The following MARVELD3 variants were observed in gnomAD, a reference collection of about 807,000 sequenced individuals.
MARVELD3 encodes the protein MARVEL domain containing 3.
MARVELD3 carries 28 observed loss-of-function variants against 33.5 expected under a neutral mutation model. That is an observed-to-expected ratio of 0.84 (90% CI 0.62 to 1.15). MARVELD3 has a LOEUF of 1.15. Among genes scored for constraint, MARVELD3 ranks in the 50% most tolerant of loss-of-function variants. The pLI is 0.00. For synonymous variants in MARVELD3, 241 were observed against 230.4 expected (o/e 1.05, Z -0.42); for missense variants, 582 against 547.6 (o/e 1.06, Z -0.63).
intron 2 of MARVELD3, among the ~76,000 whole-genome samples, chr16:71,631,081 C>T (rs1484170060): frequency 6.6e-6 from 1 of 152,166 alleles, no homozygotes; most frequent in Non-Finnish European, 1.5e-5. Flanking sequence ...GGAGCTCATA[C>T]CTGAAAATGT....
rs2044575064 is a variant in MARVELD3, at chr16:71,635,512, T to TA, written c.*710dup. 20 of 983,630 alleles carry TA rather than the reference T, an allele frequency of 2.0e-5. No homozygotes were observed. Among genetic ancestry groups the TA allele is most frequent in the Non-Finnish European group, 2.4e-5 (20 of 829,226 alleles). 60.9% of individuals were successfully genotyped at this position (983,630 alleles called of 1,614,324 possible). On this transcript the variant is annotated 3_prime_UTR_variant, in exon 3 of 3. Transcript: ENST00000268485. ...ATCCCAGAGCTTTGGGAGGCTGAGG[T>TA]AGGAGGATTGCTTGAACCCAGGAGT...
rs1425536199 is a variant in MARVELD3 at position 71,626,417 on chromosome 16, A to G, written c.188A>G (p.Gln63Arg). ...GGGGACCGGGACCCGGAGAGAGACCAGGAGAGGGACGGGAACCGCGACCGG... is the reference window on the plus strand; with the variant it reads ...GGGGACCGGGACCCGGAGAGAGACCGGGAGAGGGACGGGAACCGCGACCGG... The part of the protein sequence containing the change: ...RDGDRDPERD[Q>R]ERDGNRDRNR... The change falls in exon 1 of 3, where the codon CAG (glutamine) becomes CGG (arginine). Residue 63 changes from glutamine (Q) to arginine (R), a missense_variant. Gln to Arg is a conservative substitution (Grantham distance 43). Coordinates refer to ENST00000268485, the MANE Select transcript of MARVELD3 (RefSeq NM_052858.6). The surrounding 1 kb of genome is among the most constrained non-coding windows in gnomAD (Gnocchi z 5.3). The G allele has an allele frequency of 3.2e-5, 49 of 1,546,490 alleles. No homozygotes were observed. The East Asian group carries it at 1.2e-3, about 37-fold the overall frequency.
chr16:71,641,119 C>A, downstream of MARVELD3: 1 of 1,434,698 alleles, frequency 7.0e-7, no homozygotes, highest in Non-Finnish European at 9.4e-7. Context: ...GGTTTTCACA[C>A]ACTTGACTTT....
At chr16:71,628,468 C>T (rs1370057663) in intron 1 of MARVELD3, among the ~76,000 whole-genome samples, 2 of 150,532 alleles carry the variant, frequency 1.3e-5, no homozygotes, top group Non-Finnish European at 2.9e-5. Context: ...ACCTGGGAGG[C>T]GGAGGTTGCA....
chr16:71,633,371 C>A (rs2044550684), intron 2 of MARVELD3, among the ~76,000 whole-genome samples: 1 of 152,080 alleles, frequency 6.6e-6, no homozygotes, highest in Non-Finnish European at 1.5e-5. Flanking sequence ...AAAGAAGAGA[C>A]AACTTGTTTA....
In MARVELD3 at chr16:71,629,396, C is replaced by T. The variant is rs1162045720; in HGVS notation, c.497C>T (p.Ser166Leu). Residue 166 changes from serine (S) to leucine (L), a missense_variant, in exon 2 of 3, where the codon TCG becomes TTG. By Grantham distance (145) the Ser-to-Leu change is moderately radical. Coordinates refer to ENST00000268485, the MANE Select transcript of MARVELD3 (RefSeq NM_052858.6). The stretch of plus-strand genomic sequence containing the variant: ...CCCCCTTCGGAGAGATATCTGCCCT[C>T]GACCCCCAGGCCTGGACGAGAGGAG... The part of the protein sequence containing the change: ...SEPPSERYLP[S>L]TPRPGREEVE... The T allele has an allele frequency of 1.1e-5, 17 of 1,569,264 alleles. No individual in the cohort carries two copies. The highest frequency in any genetic ancestry group is 1.3e-5 in the Non-Finnish European group (15 of 1,162,166).
rs2044466191 is a variant in MARVELD3, at chr16:71,626,287, G to A, written c.58G>A (p.Gly20Arg). The A allele has an allele frequency of 3.2e-6, 5 of 1,542,308 alleles. No individual in the cohort carries two copies. The highest frequency in any genetic ancestry group is 4.4e-6 in the Non-Finnish European group (5 of 1,143,184). Residue 20 changes from glycine to arginine, a missense_variant, in exon 1 of 3, where the codon GGA becomes AGA. Gly to Arg is a moderately radical substitution (Grantham distance 125). Coordinates refer to ENST00000268485, the MANE Select transcript of MARVELD3 (RefSeq NM_052858.6). The surrounding 1 kb of genome is among the most constrained non-coding windows in gnomAD (Gnocchi z 5.3). ...GGCCCGGCCGAGAGAGCGGGACCCG[G>A]GACGGCGCCCCCACCCAGACCAAGG... ...PRARPRERDP[G>R]RRPHPDQGRT...
In MARVELD3 at chr16:71,626,351, C is replaced by G. The variant is rs1442341220; in HGVS notation, c.122C>G (p.Pro41Arg). The G allele has an allele frequency of 6.5e-7, 1 of 1,547,964 alleles. No homozygotes were observed. Among genetic ancestry groups the G allele is most frequent in the Admixed American group, 2.0e-5 (1 of 50,964 alleles). Residue 41 changes from proline to arginine, a missense_variant, in exon 1 of 3, where the codon CCG becomes CGG. By Grantham distance (103) the Pro-to-Arg change is moderately radical. Transcript: ENST00000268485. The surrounding 1 kb of genome is among the most constrained non-coding windows in gnomAD (Gnocchi z 5.3). ...HDRPRDRPGDPRRKRSSDGNR... is the reference protein window; with the variant it reads ...HDRPRDRPGDRRRKRSSDGNR... Reference sequence around the variant, plus strand: ...CGACCGCGGGACCGACCCGGGGACCCGCGCAGGAAGCGAAGCAGCGACGGG... The same window carrying G: ...CGACCGCGGGACCGACCCGGGGACCGGCGCAGGAAGCGAAGCAGCGACGGG...
Position 71,626,685 on chromosome 16 carries a change from C to A in MARVELD3, c.456C>A (p.Arg152=). 6.7e-7 allele frequency: 1 copy of A among 1,501,428 alleles called. No individual in the cohort carries two copies. The highest frequency in any genetic ancestry group is 8.8e-7 in the Non-Finnish European group (1 of 1,130,668). 93.0% of individuals were successfully genotyped at this position (1,501,428 alleles called of 1,614,324 possible). The change falls in exon 1 of 3, where the codon CGC becomes CGA. Residue 152 remains arginine, a synonymous_variant. Coordinates refer to ENST00000268485, the MANE Select transcript of MARVELD3 (RefSeq NM_052858.6). The surrounding 1 kb of genome is among the most constrained non-coding windows in gnomAD (Gnocchi z 5.3). ...QPQRKGDPGR[R]RPESEPPSER... ...AGAGGAAGGGAGACCCCGGGCGCCGCAGACCCGAAAGGTGAGAGGGGCCGG... is the reference window on the plus strand; with the variant it reads ...AGAGGAAGGGAGACCCCGGGCGCCGAAGACCCGAAAGGTGAGAGGGGCCGG...
At chr16:71,630,668 TACAC>T (rs1175019564) in intron 2 of MARVELD3, among the ~76,000 whole-genome samples, 1 of 151,128 alleles carries the variant, frequency 6.6e-6, no homozygotes, top group Non-Finnish European at 1.5e-5. Context: ...TATATATATA[TACAC>T]ACACATAATA....
intron 2 of MARVELD3, 41 bp downstream of exon 2, chr16:71,629,535 G>A (rs2044507843): frequency 6.5e-7 from 1 of 1,532,502 alleles, no homozygotes; most frequent in Admixed American, 2.3e-5. Flanking sequence ...TACTGTCACT[G>A]GTGGTTCTGG....
rs2044574085 is a variant in MARVELD3, at chr16:71,635,357, C to T, written c.*554C>T. On this transcript the variant is annotated 3_prime_UTR_variant, in exon 3 of 3. Coordinates refer to ENST00000268485, the MANE Select transcript of MARVELD3 (RefSeq NM_052858.6). ...AAAAAAAAAAAGCAAAAAAACTGGA[C>T]CCCAAGAGCCACAAGGAAAAAGCAT... 1 of 984,838 alleles carries T rather than the reference C, an allele frequency of 1.0e-6. No individual in the cohort carries two copies. The highest frequency in any genetic ancestry group is 6.2e-5 in the Admixed American group (1 of 16,166). 61.0% of individuals were successfully genotyped at this position (984,838 alleles called of 1,614,324 possible). A position where few individuals can be genotyped will look rare whatever the true frequency, so the allele number is the denominator to read the frequency against.
intron 2 of MARVELD3, among the ~76,000 whole-genome samples, chr16:71,631,793 A>T (rs893889091): frequency 2.0e-5 from 3 of 152,030 alleles, no homozygotes; most frequent in Non-Finnish European, 4.4e-5. Flanking sequence ...CCCTGTCTGT[A>T]AAAAAAAGAA....
At chr16:71,634,144 C>T (rs1242791534) in intron 2 of MARVELD3, 49 bp from the exon 3 acceptor site, 3 of 1,557,996 alleles carry the variant, frequency 1.9e-6, no homozygotes, top group South Asian at 1.2e-5. Flanking sequence ...GAAGAGTCTC[C>T]TGGTGCCAAA....
At position 71,626,576 on chromosome 16, in the gene MARVELD3, G is replaced by A. The variant is rs1288324102; in HGVS notation, c.347G>A (p.Arg116Gln). ...GAAAAACCGCGCCAAAGCCGGACGC[G>A]GGACGGAGCCCGGGGACTGACCTGG... ...VWEKPRQSRT[R>Q]DGARGLTWDA... Residue 116 changes from arginine (R) to glutamine (Q), a missense_variant, in exon 1 of 3, where the codon CGG becomes CAG. Transcript: ENST00000268485. This position sits in a 1 kb window ranked among gnomAD's most constrained non-coding sequence, Gnocchi z 5.3. 1.9e-6 allele frequency: 3 copies of A among 1,546,694 alleles called. No individual in the cohort carries two copies. The highest frequency in any genetic ancestry group is 2.4e-5 in the South Asian group (2 of 84,038).
rs1379707431 is a variant in MARVELD3, at chr16:71,634,502, T to C, written c.905T>C (p.Leu302Ser). 2 of 1,614,196 alleles carry C rather than the reference T, an allele frequency of 1.2e-6. No homozygotes were observed. Among genetic ancestry groups the C allele is most frequent in the Non-Finnish European group, 1.7e-6 (2 of 1,180,026 alleles). Residue 302 changes from leucine (L) to serine (S), a missense_variant, in exon 3 of 3, where the codon TTG becomes TCG. Transcript: ENST00000268485. The stretch of plus-strand genomic sequence containing the variant: ...CGGGTCCCGTGGCATTGTCCACTGT[T>C]GCTGGTGACCGAAGGCTTGTTGGAC... ...VLRVPWHCPL[L>S]LVTEGLLDML...
chr16:71,634,704 G>A lies in MARVELD3; in HGVS notation c.1107G>A (p.Leu369=). The A allele has an allele frequency of 6.2e-7, 1 of 1,614,202 alleles. No homozygotes were observed. The highest frequency in any genetic ancestry group is 8.5e-7 in the Non-Finnish European group (1 of 1,180,036). ...TAGGAGCTGGAATCTTTGCTGCCCT[G>A]GGCATTGTGGTCTTTGCCCTGGGGG... is the stretch of plus-strand genomic sequence containing the variant. ...ADIGAGIFAA[L]GIVVFALGAV... The change falls in exon 3 of 3, where the codon CTG becomes CTA. Residue 369 remains leucine, a synonymous_variant. Coordinates refer to ENST00000268485, the MANE Select transcript of MARVELD3 (RefSeq NM_052858.6).
intron 2 of MARVELD3, among the ~76,000 whole-genome samples, 182 bp from the exon 3 acceptor site, chr16:71,634,011 T>C (rs906366983): frequency 6.6e-6 from 1 of 152,098 alleles, no homozygotes; most frequent in East Asian, 1.9e-4. Context: ...TCTGGCACCA[T>C]TTCTGGAGAC....
At chr16:71,629,336 C>T (rs760456546) in intron 1 of MARVELD3, 31 bp from the exon 2 acceptor site, 9 of 1,517,866 alleles carry the variant, frequency 5.9e-6, no homozygotes, top group Non-Finnish European at 7.9e-6. Context: ...TGAGACACCC[C>T]CTAATGACCA....
Sources: allele counts gnomAD v4.1 joint callset (sites outside exome capture counted in the v4.1 genomes callset), GRCh38; gene constraint gnomAD v4.1.1; non-coding constraint Gnocchi (gnomAD v3.1); transcripts MANE v1.5; gene names NCBI Gene and HGNC (gene_info 2026-07-23, HGNC 2026-07-21).